Variants in ZFHX3 observed in about 807,000 individuals in gnomAD.
The protein encoded by ZFHX3 is zinc finger homeobox 3, also known as zinc finger homeobox protein 3.
Under a neutral mutation model 279.1 loss-of-function variants are expected in ZFHX3, and 42 were observed. The observed-to-expected ratio is 0.15, with a 90% CI of 0.12 to 0.19. The LOEUF (loss-of-function observed/expected upper bound fraction) is 0.19, where lower values mean the gene tolerates loss of function less well. ZFHX3 is among the 10% of genes least tolerant of loss of function. ZFHX3 has a pLI of 1.00. For synonymous variants in ZFHX3, 2,293 were observed against 1,957.8 expected (o/e 1.17, Z -4.52); for missense variants, 4,981 against 4,754.0 (o/e 1.05, Z -1.40).
chr16:72,872,017 G>A (rs1337563808), intron 4 of ZFHX3, among the ~76,000 whole-genome samples: 4 of 151,924 alleles, frequency 2.6e-5, no homozygotes, highest in African/African-American at 7.2e-5. Flanking sequence ...CCCGGGAGTC[G>A]GAGCTTGCAG....
intron 6 of ZFHX3, among the ~76,000 whole-genome samples, chr16:73,140,357 A>G (rs1015042531): frequency 6.6e-6 from 1 of 152,146 alleles, no homozygotes; most frequent in Non-Finnish European, 1.5e-5. Context: ...GAGTTGGATT[A>G]TAATCTGGCT....
At chr16:73,823,740 T>G (rs1960818364) in intron 1 of ZFHX3, among the ~76,000 whole-genome samples, 1 of 152,148 alleles carries the variant, frequency 6.6e-6, no homozygotes, top group Non-Finnish European at 1.5e-5. Context: ...TACACAAAAG[T>G]TTGCTGACTC....
chr16:73,740,369 T>C (rs1165478509), intron 1 of ZFHX3, among the ~76,000 whole-genome samples: 1 of 152,090 alleles, frequency 6.6e-6, no homozygotes, highest in Non-Finnish European at 1.5e-5. Flanking sequence ...GTTGAAATCT[T>C]TTCTGTTAAA....
chr16:73,627,513 G>T (rs1172866179), intron 2 of ZFHX3, among the ~76,000 whole-genome samples: 1 of 152,196 alleles, frequency 6.6e-6, no homozygotes, highest in Non-Finnish European at 1.5e-5. Flanking sequence ...TAATTCTTAT[G>T]ATTTGAACTC....
At chr16:73,850,722 C>T (rs764668075) in intron 1 of ZFHX3, among the ~76,000 whole-genome samples, 5 of 151,884 alleles carry the variant, frequency 3.3e-5, no homozygotes, top group Admixed American at 6.6e-5. Flanking sequence ...CACCCAGGGC[C>T]GTGGCTTGAG....
chr16:73,016,309 T>C (rs1964101110), intron 1 of ZFHX3, among the ~76,000 whole-genome samples: 1 of 152,194 alleles, frequency 6.6e-6, no homozygotes, highest in African/African-American at 2.4e-5. Flanking sequence ...TAACTAGGAT[T>C]ACTCAATAGG....
At chr16:73,087,588 A>G (rs1966023722) in intron 8 of ZFHX3, among the ~76,000 whole-genome samples, 2 of 152,202 alleles carry the variant, frequency 1.3e-5, no homozygotes, top group African/African-American at 4.8e-5. Context: ...TTATAACTCT[A>G]ATTAAAAATG....
chr16:72,845,461 G>T (rs1465246648), intron 4 of ZFHX3, among the ~76,000 whole-genome samples: 1 of 152,122 alleles, frequency 6.6e-6, no homozygotes, highest in Non-Finnish European at 1.5e-5. Context: ...CTGCCCGCTG[G>T]GCTGGCAGGG....
At chr16:73,671,373 CAA>C (rs2052902410) in intron 2 of ZFHX3, among the ~76,000 whole-genome samples, 1 of 152,152 alleles carries the variant, frequency 6.6e-6, no homozygotes, top group African/African-American at 2.4e-5. Flanking sequence ...CAGAGCTCTG[CAA>C]AGAGACGGCC....
At chr16:73,206,089 T>C (rs897405551) in intron 5 of ZFHX3, among the ~76,000 whole-genome samples, 2 of 152,320 alleles carry the variant, frequency 1.3e-5, no homozygotes, top group African/African-American at 2.4e-5. Flanking sequence ...CAACATACAA[T>C]AGAGATGCGA....
intron 2 of ZFHX3, among the ~76,000 whole-genome samples, chr16:73,647,827 T>C (rs896119081): frequency 3.3e-5 from 5 of 152,116 alleles, no homozygotes; most frequent in African/African-American, 1.2e-4. Flanking sequence ...CATACCTAAA[T>C]GTCAATTATA....
chr16:73,675,445 A>G (rs924127902), intron 2 of ZFHX3, among the ~76,000 whole-genome samples: 3 of 152,118 alleles, frequency 2.0e-5, no homozygotes, highest in Non-Finnish European at 4.4e-5. Context: ...TTGTTCATTC[A>G]TCTATCCATT....
upstream of ZFHX3, among the ~76,000 whole-genome samples, chr16:73,051,485 G>A (rs1965449019): frequency 1.3e-5 from 2 of 152,316 alleles, no homozygotes; most frequent in South Asian, 2.1e-4. Flanking sequence ...CCTGCACACA[G>A]ATGTTTTGAT....
chr16:73,051,463 G>A (rs1033126526), upstream of ZFHX3, among the ~76,000 whole-genome samples: 1 of 152,256 alleles, frequency 6.6e-6, no homozygotes, highest in East Asian at 1.9e-4. Flanking sequence ...ATTGGAAGCT[G>A]GTGTGCCAAG....
At chr16:73,108,393 G>A (rs1193808491) in intron 7 of ZFHX3, among the ~76,000 whole-genome samples, 2 of 151,908 alleles carry the variant, frequency 1.3e-5, no homozygotes, top group Non-Finnish European at 2.9e-5. Flanking sequence ...ACGATGAAGA[G>A]GAGAAGGATG....
At chr16:73,241,802 A>AAAAAAAAAAAT (rs2013132023) in intron 5 of ZFHX3, among the ~76,000 whole-genome samples, 1 of 150,500 alleles carries the variant, frequency 6.6e-6, no homozygotes, top group African/African-American at 2.4e-5. Context: ...AAAAAAAAAA[A>AAAAAAAAAAAT]AAAAAAAAAA....
At chr16:72,863,321 G>A (rs946258427) in intron 4 of ZFHX3, among the ~76,000 whole-genome samples, 3 of 126,818 alleles carry the variant, frequency 2.4e-5, no homozygotes, top group African/African-American at 6.5e-5. Context: ...TGGACAACAC[G>A]GCAAAATCTC....
chr16:73,350,559 G>T (rs781024214), intron 3 of ZFHX3, among the ~76,000 whole-genome samples: 1 of 152,184 alleles, frequency 6.6e-6, no homozygotes, highest in Non-Finnish European at 1.5e-5. Flanking sequence ...TTCAGGCATG[G>T]TGAAGGCAGC....
intron 1 of ZFHX3, among the ~76,000 whole-genome samples, chr16:73,785,791 G>A (rs1959624848): frequency 6.6e-6 from 1 of 152,120 alleles, no homozygotes. Context: ...TCTCCTCTCT[G>A]AAATGTTTAA....
Sources: allele counts gnomAD v4.1 joint callset (sites outside exome capture counted in the v4.1 genomes callset), GRCh38; gene constraint gnomAD v4.1.1; transcripts MANE v1.5; gene names NCBI Gene and HGNC (gene_info 2026-07-23, HGNC 2026-07-21).